CRIM1: variants seen among roughly 807,000 people sequenced by gnomAD.
The protein encoded by CRIM1 is cysteine rich transmembrane BMP regulator 1.
A neutral mutation model predicts 116.4 loss-of-function variants in CRIM1; 32 were observed. The ratio of observed to expected loss-of-function variants is 0.27; its 90% CI spans 0.21 to 0.37. CRIM1 has a LOEUF of 0.37. Among genes scored for constraint, CRIM1 ranks in the 10% least tolerant of loss-of-function variants. CRIM1 has a pLI of 1.00. For synonymous variants in CRIM1, 590 were observed against 509.2 expected, an observed-to-expected ratio of 1.16 and a Z score of -2.13; for missense variants, 1,331 against 1,354.8, an observed-to-expected ratio of 0.98 and a Z score of 0.28.
At chr2:36,475,784 A>T (rs181267510) in intron 5 of CRIM1, among the ~76,000 whole-genome samples, 4 of 152,218 alleles carry the variant, frequency 2.6e-5, no homozygotes, top group Non-Finnish European at 5.9e-5. Flanking sequence ...CATTTTTATC[A>T]TGAAAGAATA....
intron 13 of CRIM1, among the ~76,000 whole-genome samples, chr2:36,527,047 T>C (rs1263229779): frequency 1.3e-5 from 2 of 152,142 alleles, no homozygotes; most frequent in African/African-American, 2.4e-5. Context: ...TTAGAAGATA[T>C]TTCAAGGTCA....
At chr2:36,501,575 A>C (rs774314025) in intron 8 of CRIM1, among the ~76,000 whole-genome samples, 1 of 152,102 alleles carries the variant, frequency 6.6e-6, no homozygotes, top group Admixed American at 6.5e-5. Flanking sequence ...TACAAAAGCT[A>C]GCCAGGCATG....
rs199715722 is a variant in CRIM1, at chr2:36,547,046, C to G, written c.2809C>G (p.Leu937Val). 1.1e-5 allele frequency: 18 copies of G among 1,612,546 alleles called. No individual in the cohort carries two copies. In the East Asian group the frequency reaches 4.0e-4, roughly 36 times the overall value. ...GCTGCACCCAAGTGAAGATTCTTCA[C>G]TGGACTCCATTGCCTCAGTTGTGGT... The part of the protein sequence containing the change: ...NRLHPSEDSS[L>V]DSIASVVVPI... Residue 937 changes from leucine to valine, a missense_variant, in exon 16 of 17, where the codon CTG (leucine) becomes GTG (valine). Physicochemically the swap from Leu to Val is conservative, Grantham distance 32. This residue lies in a region of CRIM1 where 283 missense variants were observed against 242.8 expected (regional missense o/e 1.17). Coordinates refer to ENST00000280527, the MANE Select transcript of CRIM1 (RefSeq NM_016441.3).
chr2:36,434,723 G>T (rs1045682878), intron 2 of CRIM1, among the ~76,000 whole-genome samples: 7 of 152,134 alleles, frequency 4.6e-5, no homozygotes, highest in African/African-American at 1.7e-4. Context: ...TTTTCTTGTT[G>T]AGTCTTTATT....
At chr2:36,452,298 C>T (rs1393931488) in intron 4 of CRIM1, among the ~76,000 whole-genome samples, 4 of 152,136 alleles carry the variant, frequency 2.6e-5, no homozygotes, top group Non-Finnish European at 4.4e-5. Context: ...ATTCCTGACT[C>T]CTGACATACT....
rs1672418633 is a variant in CRIM1 at position 36,401,744 on chromosome 2, C to CAAGAATT, written c.505+4960_505+4966dup. Reference sequence around the variant, plus strand: ...TTATTGTAATTCAGTGGTCATAATTCAAGAATTAATCAGAAATGTGAAACC... The same window carrying CAAGAATT: ...TTATTGTAATTCAGTGGTCATAATTCAAGAATTAAGAATTAATCAGAAATGTGAAACC... On this transcript the variant is annotated intron_variant, in intron 2 of 16. Coordinates refer to ENST00000280527, the MANE Select transcript of CRIM1 (RefSeq NM_016441.3). 2.0e-5 allele frequency among the ~76,000 whole-genome samples: 3 copies of CAAGAATT among 152,238 alleles called. No homozygotes were observed. The South Asian group carries it at 6.2e-4, about 32-fold the overall frequency.
chr2:36,375,703 C>T (rs945145579), intron 1 of CRIM1, among the ~76,000 whole-genome samples: 10 of 152,200 alleles, frequency 6.6e-5, no homozygotes, highest in African/African-American at 2.2e-4. Flanking sequence ...TTCTAAGCCA[C>T]AGTATGTGGC....
chr2:36,493,656 G>A (rs1680386284), intron 7 of CRIM1, among the ~76,000 whole-genome samples: 1 of 152,130 alleles, frequency 6.6e-6, no homozygotes, highest in Non-Finnish European at 1.5e-5. Flanking sequence ...TTTCTCAAAG[G>A]AGATAATTAA....
intron 3 of CRIM1, 49 bp from the exon 4 acceptor site, chr2:36,442,566 A>G (rs757245481): frequency 6.2e-7 from 1 of 1,610,384 alleles, no homozygotes; most frequent in East Asian, 2.2e-5. Context: ...GGACTCCAAA[A>G]GCAAGTAAAT....
In CRIM1 at chr2:36,514,604, GTA is replaced by G. The variant is rs1338618437; in HGVS notation, c.1990+841_1990+842del. Among the ~76,000 whole-genome samples, 341 of 152,280 alleles carry G rather than the reference GTA, an allele frequency of 2.2e-3. 5 individuals are homozygous for G. The highest frequency in any genetic ancestry group is 8.1e-3 in the African/African-American group (335 of 41,564). Reference sequence around the variant, plus strand: ...GGAGAAATGAAGTCTCTCAAATCTTGTATCAGATTTCTTTCAAAGTTAAGTCT... The same window carrying G: ...GGAGAAATGAAGTCTCTCAAATCTTGTCAGATTTCTTTCAAAGTTAAGTCT... On this transcript the variant is annotated intron_variant, in intron 11 of 16. Coordinates refer to ENST00000280527, the MANE Select transcript of CRIM1 (RefSeq NM_016441.3).
Position 36,517,362 on chromosome 2 carries a change from C to G in CRIM1, c.2026C>G (p.Pro676Ala). 1 of 1,614,158 alleles carries G rather than the reference C, an allele frequency of 6.2e-7. No homozygotes were observed. The highest frequency in any genetic ancestry group is 2.2e-5 in the East Asian group (1 of 44,882). Reference protein sequence around the residue: ...FVVQKPELSTPSICHAPGGEY... With the variant: ...FVVQKPELSTASICHAPGGEY... ...GGTGCAGAAGCCAGAGCTCAGTACT[C>G]CCTCCATTTGCCACGCCCCTGGAGG... The change falls in exon 12 of 17, where the codon CCC (proline) becomes GCC (alanine). Residue 676 changes from proline to alanine, a missense_variant. By Grantham distance (27) the Pro-to-Ala change is conservative. Around this residue, in one of 3 missense-constraint regions of CRIM1, gnomAD observed 358 missense variants for 436.1 expected, o/e 0.82. Coordinates refer to ENST00000280527, the MANE Select transcript of CRIM1 (RefSeq NM_016441.3).
chr2:36,492,254 C>G (rs980728227), intron 7 of CRIM1, among the ~76,000 whole-genome samples: 3 of 152,126 alleles, frequency 2.0e-5, no homozygotes, highest in African/African-American at 7.2e-5. Flanking sequence ...ATAAAATAAA[C>G]TGCTCTGAGA....
chr2:36,358,825 A>G (rs1367594059), intron 1 of CRIM1, among the ~76,000 whole-genome samples: 3 of 152,188 alleles, frequency 2.0e-5, no homozygotes, highest in Admixed American at 6.5e-5. Flanking sequence ...TGTGAAACCA[A>G]AGTAAGGACA....
At chr2:36,474,568 ACCT>A (rs1384102441) in intron 5 of CRIM1, among the ~76,000 whole-genome samples, 1 of 151,948 alleles carries the variant, frequency 6.6e-6, no homozygotes, top group African/African-American at 2.4e-5. Context: ...AAGACTTTCA[ACCT>A]CAGGCCTGGC....
chr2:36,509,154 C>T (rs1275806803), intron 8 of CRIM1, among the ~76,000 whole-genome samples: 1 of 152,138 alleles, frequency 6.6e-6, no homozygotes, highest in African/African-American at 2.4e-5. Context: ...CCTTATGCTG[C>T]ATACAATATG....
intron 2 of CRIM1, among the ~76,000 whole-genome samples, chr2:36,417,961 T>C (rs1673750866): frequency 6.6e-6 from 1 of 152,132 alleles, no homozygotes; most frequent in Admixed American, 6.6e-5. Flanking sequence ...CAGGAGGGCT[T>C]CCTAGACCAA....
intron 7 of CRIM1, among the ~76,000 whole-genome samples, chr2:36,481,206 C>T (rs1436518897): frequency 6.6e-6 from 1 of 152,176 alleles, no homozygotes; most frequent in Admixed American, 6.5e-5. Context: ...GAAGGCTGAT[C>T]CTTTTGCACC....
Position 36,384,104 on chromosome 2 carries a change from T to G in CRIM1, c.332-12510T>G, listed in dbSNP as rs112924673. ...GGGGACAGAGACAACCACAGTGGTA[T>G]CTGGTTTGCAGTTTTAATGGTCTGC... On this transcript the variant is annotated intron_variant, in intron 1 of 16. Coordinates refer to ENST00000280527, the MANE Select transcript of CRIM1 (RefSeq NM_016441.3). Among the ~76,000 whole-genome samples the G allele has an allele frequency of 5.3e-3, 814 of 152,326 alleles. 4 individuals carry two copies. Among genetic ancestry groups the G allele is most frequent in the African/African-American group, 0.018 (736 of 41,566 alleles).
intron 8 of CRIM1, among the ~76,000 whole-genome samples, chr2:36,500,752 T>C (rs751587012): frequency 3.9e-5 from 6 of 152,228 alleles, no homozygotes; most frequent in Non-Finnish European, 7.3e-5. Flanking sequence ...ATGCTGAACA[T>C]AGCTGCTTAC....
Sources: allele counts gnomAD v4.1 joint callset (sites outside exome capture counted in the v4.1 genomes callset), GRCh38; gene constraint gnomAD v4.1.1; regional missense constraint gnomAD v4.1.1; transcripts MANE v1.5; gene names NCBI Gene and HGNC (gene_info 2026-07-23, HGNC 2026-07-21).